ARHGAP29: variants seen among roughly 807,000 people sequenced by gnomAD.
The protein encoded by ARHGAP29 is rho GTPase-activating protein 29.
ARHGAP29 carries 43 observed loss-of-function variants against 122.6 expected under a neutral mutation model. The observed-to-expected ratio is 0.35, with a 90% confidence interval of 0.27 to 0.45. The LOEUF (loss-of-function observed/expected upper bound fraction) is 0.45, where lower values mean the gene tolerates loss of function less well. Ranked by LOEUF, ARHGAP29 falls within the 20% of genes least tolerant of loss-of-function variation. The probability of loss-of-function intolerance (pLI) is 1.00; values close to 1 mark genes in which losing one functional copy is unlikely to be tolerated. For missense variants in ARHGAP29, 1,303 were observed against 1,477.2 expected (o/e 0.88, Z 1.93); for synonymous variants, 506 against 497.1 (o/e 1.02, Z -0.24).
At chr1:94,309,359 C>A in the ARHGAP29 span, among the ~76,000 whole-genome samples, 2 of 152,166 alleles carry the variant, frequency 1.3e-5, no homozygotes, top group African/African-American at 4.8e-5. Flanking sequence ...GGTCAGGGCC[C>A]TCTTTGCTAT....
intron 1 of ARHGAP29, among the ~76,000 whole-genome samples, chr1:94,274,222 TG>T (rs1655101321): frequency 6.6e-6 from 1 of 152,174 alleles, no homozygotes; most frequent in Non-Finnish European, 1.5e-5. Context: ...GGGTCTTCAT[TG>T]CAACTACCAA....
rs748541171 is a variant in ARHGAP29 at position 94,173,892 on chromosome 1, C to T, written c.3763G>A (p.Gly1255Ser). The T allele has an allele frequency of 2.5e-6, 4 of 1,603,702 alleles. No homozygotes were observed. The highest frequency in any genetic ancestry group is 4.5e-5 in the East Asian group (2 of 44,632). ...CCCTACACAAATTGTGGAATTTCACCTTCGAGGTCTTCAAACTGTTGCATT... is the reference window on the plus strand; with the variant it reads ...CCCTACACAAATTGTGGAATTTCACTTTCGAGGTCTTCAAACTGTTGCATT... ...KRMQQFEDLEGEIPQFV is the reference protein window; with the variant it reads ...KRMQQFEDLESEIPQFV Residue 1255 changes from glycine (G) to serine (S), a missense_variant, in exon 23 of 23, where the codon GGT becomes AGT. Transcript: ENST00000260526.
At chr1:94,273,596 T>TAGAC (rs1184936611) in intron 1 of ARHGAP29, among the ~76,000 whole-genome samples, 1 of 152,224 alleles carries the variant, frequency 6.6e-6, no homozygotes, top group Non-Finnish European at 1.5e-5. Flanking sequence ...GTAAGATAGA[T>TAGAC]AGACAATTAG....
chr1:94,231,977 CT>C (rs1488971880), intron 1 of ARHGAP29, among the ~76,000 whole-genome samples: 5 of 152,238 alleles, frequency 3.3e-5, no homozygotes, highest in Non-Finnish European at 5.9e-5. Context: ...AAACCTGTAT[CT>C]GCCTTGATGC....
chr1:94,218,815 A>G (rs566228721), intron 3 of ARHGAP29, among the ~76,000 whole-genome samples: 1 of 152,306 alleles, frequency 6.6e-6, no homozygotes, highest in South Asian at 2.1e-4. Context: ...TGGTTTCCTT[A>G]AGTATATGAA....
chr1:94,256,364 A>C (rs1273287871), intron 1 of ARHGAP29, among the ~76,000 whole-genome samples: 1 of 152,134 alleles, frequency 6.6e-6, no homozygotes, highest in Non-Finnish European at 1.5e-5. Flanking sequence ...CACTTTGCAC[A>C]TACAAATGGG....
Position 94,174,057 on chromosome 1 carries a change from C to T in ARHGAP29, c.3598G>A (p.Gly1200Ser), listed in dbSNP as rs1648924839. The T allele has an allele frequency of 1.2e-6, 2 of 1,614,148 alleles. No homozygotes were observed. Among genetic ancestry groups the T allele is most frequent in the Non-Finnish European group, 1.7e-6 (2 of 1,180,028 alleles). The change falls in exon 23 of 23, where the codon GGT becomes AGT. Residue 1200 changes from glycine (G) to serine (S), a missense_variant. Physicochemically the swap from Gly to Ser is moderately conservative, Grantham distance 56. Coordinates refer to ENST00000260526, the MANE Select transcript of ARHGAP29 (RefSeq NM_004815.4). Reference sequence around the variant, plus strand: ...TCTGGCATTGACTTCACCACGAGACCGTGGGGATCGTGATCTGTGCCAGGA... The same window carrying T: ...TCTGGCATTGACTTCACCACGAGACTGTGGGGATCGTGATCTGTGCCAGGA... ...VPPGTDHDPH[G>S]LVVKSMPDPD...
chr1:94,237,170 TCCTCCCCAGCTCGTCCGCG>T (rs1405104556), intron 1 of ARHGAP29, among the ~76,000 whole-genome samples: 1 of 152,178 alleles, frequency 6.6e-6, no homozygotes, highest in African/African-American at 2.4e-5. Flanking sequence ...ACCGCTGGCG[TCCTCCCCAGCTCGTCCGCG>T]CCTCCCTCGC....
chr1:94,198,928 C>T (rs1244065838), intron 12 of ARHGAP29, among the ~76,000 whole-genome samples: 3 of 152,184 alleles, frequency 2.0e-5, no homozygotes, highest in African/African-American at 7.2e-5. Context: ...ACACTGTGTA[C>T]CTGATTTTAA....
chr1:94,301,600 T>C, the ARHGAP29 span, among the ~76,000 whole-genome samples: 1 of 152,154 alleles, frequency 6.6e-6, no homozygotes. Flanking sequence ...CTGCCCCTTG[T>C]ATGGTGGCCA....
the ARHGAP29 span, among the ~76,000 whole-genome samples, chr1:94,301,628 G>C: frequency 6.6e-6 from 1 of 152,198 alleles, no homozygotes; most frequent in African/African-American, 2.4e-5. Flanking sequence ...TGAGGGTACA[G>C]TCATAGACAG....
In ARHGAP29 at chr1:94,262,530, A is replaced by G. The variant is rs138651464; in HGVS notation, c.-33+12482T>C. ...GACAAAGGTCTGATATCCAGCATCT[A>G]TAAGGAACTTAAGAAAATTTATAGC... On this transcript the variant is annotated intron_variant and NMD_transcript_variant, in intron 1 of 25. Coordinates refer to the ARHGAP29 transcript ENST00000552844. Among the ~76,000 whole-genome samples, 3 of 152,350 alleles carry G rather than the reference A, an allele frequency of 2.0e-5. No homozygotes were observed. The East Asian group carries it at 5.8e-4, about 29-fold the overall frequency.
In ARHGAP29 at chr1:94,247,754, C is replaced by A. The variant is rs1335413419; in HGVS notation, c.-32-16111G>T. On this transcript the variant is annotated intron_variant and NMD_transcript_variant, in intron 1 of 25. Transcript: ENST00000552844. ...GCCGCCGCCTTTGCAGCTACCGCCA[C>A]GGCTGCGCCGGCCGCCTGCCCCGCC... 10 of 578,310 alleles carry A rather than the reference C, an allele frequency of 1.7e-5. 1 individual carries two copies. The highest frequency in any genetic ancestry group is 2.2e-5 in the Non-Finnish European group (10 of 457,898). The allele number at this position is 578,310 out of a possible 1,614,324, so 35.8% of individuals were successfully genotyped here.
chr1:94,205,021 TTA>T, intron 7 of ARHGAP29, 38 bp downstream of exon 7: 1 of 1,489,792 alleles, frequency 6.7e-7, no homozygotes, highest in Non-Finnish European at 8.9e-7. Context: ...AACAACTTAA[TTA>T]TTATACTCTA....
chr1:94,289,259 T>C, the ARHGAP29 span, among the ~76,000 whole-genome samples: 1 of 152,340 alleles, frequency 6.6e-6, no homozygotes, highest in African/African-American at 2.4e-5. Context: ...TAATTGTGAA[T>C]GGGAGTTCAC....
At chr1:94,306,447 G>T in the ARHGAP29 span, among the ~76,000 whole-genome samples, 6 of 152,172 alleles carry the variant, frequency 3.9e-5, no homozygotes, top group African/African-American at 1.4e-4. Flanking sequence ...AAACCAGCAG[G>T]CAATTTGAAA....
the ARHGAP29 span, among the ~76,000 whole-genome samples, chr1:94,291,799 T>C: frequency 6.6e-6 from 1 of 152,232 alleles, no homozygotes; most frequent in South Asian, 2.1e-4. Flanking sequence ...TTCTGACTTG[T>C]AGGGTTTCTG....
At chr1:94,312,202 C>T in the ARHGAP29 span, among the ~76,000 whole-genome samples, 2 of 152,082 alleles carry the variant, frequency 1.3e-5, no homozygotes, top group Non-Finnish European at 2.9e-5. Flanking sequence ...CTTTCCTCCC[C>T]ATCCTTCCAC....
intron 12 of ARHGAP29, chr1:94,194,542 T>C (rs1275371647): frequency 6.6e-6 from 1 of 152,018 alleles, no homozygotes; most frequent in Non-Finnish European, 1.5e-5. Flanking sequence ...ATTCAGGGTC[T>C]GGTGTGGGCC....
Sources: allele counts gnomAD v4.1 joint callset (sites outside exome capture counted in the v4.1 genomes callset), GRCh38; gene constraint gnomAD v4.1.1; transcripts MANE v1.5; gene names NCBI Gene and HGNC (gene_info 2026-07-23, HGNC 2026-07-21).